CES1: variants seen among roughly 807,000 people sequenced by gnomAD.
CES1 encodes the protein liver carboxylesterase 1.
CES1 carries 50 observed loss-of-function variants against 53.0 expected under a neutral mutation model. The ratio of observed to expected loss-of-function variants is 0.94; its 90% CI spans 0.75 to 1.19. The LOEUF is 1.19. Among genes scored for constraint, CES1 ranks in the 50% most tolerant of loss-of-function variants. CES1 has a pLI of 0.00. For missense variants in CES1, 534 were observed against 538.0 expected (o/e 0.99, Z 0.07); for synonymous variants, 202 against 210.1 (o/e 0.96, Z 0.33).
At chr16:55,812,775 A>G (rs2031756100) in intron 9 of CES1, 128 bp downstream of exon 9, 4 of 1,335,340 alleles carry the variant, frequency 3.0e-6, no homozygotes, top group Admixed American at 3.5e-5. Context: ...GGAAATGTTA[A>G]CTCCTGCTGA....
chr16:55,812,804 A>G, intron 9 of CES1, 99 bp downstream of exon 9: 1 of 1,518,618 alleles, frequency 6.6e-7, no homozygotes, highest in Non-Finnish European at 9.1e-7. Context: ...GCTGCCCAGG[A>G]CTCAGAGTGC....
At chr16:55,815,059 G>A (rs2031879013) in intron 8 of CES1, among the ~76,000 whole-genome samples, 1 of 152,236 alleles carries the variant, frequency 6.6e-6, no homozygotes, top group Admixed American at 6.5e-5. Flanking sequence ...GGTATTGCCA[G>A]GTGAGGAAAG....
rs377047478 is a variant in CES1 at position 55,830,304 on chromosome 16, T to C, written c.53-1330A>G. On this transcript the variant is annotated intron_variant, in intron 1 of 13. Coordinates refer to ENST00000360526, the MANE Select transcript of CES1 (RefSeq NM_001025195.2). The stretch of plus-strand genomic sequence containing the variant: ...TTGCTAATTACAAATAATACTGAGA[T>C]GAACTTCCTTGGAAGCATGTTTATC... Among the ~76,000 whole-genome samples the C allele has an allele frequency of 6.6e-5, 10 of 152,208 alleles. No individual in the cohort carries two copies. The East Asian group carries it at 9.6e-4, about 15-fold the overall frequency.
intron 7 of CES1, 95 bp from the exon 8 acceptor site, chr16:55,817,057 C>T (rs1397603987): frequency 5.3e-6 from 7 of 1,330,760 alleles, no homozygotes; most frequent in Non-Finnish European, 5.4e-6. Flanking sequence ...GTTCTTCCCG[C>T]ATCACTCCGT....
chr16:55,812,802 G>T, intron 9 of CES1, 101 bp downstream of exon 9: 2 of 1,513,390 alleles, frequency 1.3e-6, no homozygotes, highest in Non-Finnish European at 1.8e-6. Flanking sequence ...CAGCTGCCCA[G>T]GACTCAGAGT....
intron 8 of CES1, among the ~76,000 whole-genome samples, chr16:55,814,909 A>G (rs2031869291): frequency 6.6e-6 from 1 of 152,220 alleles, no homozygotes; most frequent in Non-Finnish European, 1.5e-5. Context: ...GTGCAAGTCC[A>G]GCCTCCTTAA....
At chr16:55,826,876 A>T (rs1181841712) in intron 2 of CES1, among the ~76,000 whole-genome samples, 1 of 152,170 alleles carries the variant, frequency 6.6e-6, no homozygotes, top group Non-Finnish European at 1.5e-5. Flanking sequence ...CACTGGTAAT[A>T]GTTATTTAGT....
intron 8 of CES1, among the ~76,000 whole-genome samples, chr16:55,814,118 G>C (rs1166237070): frequency 2.0e-5 from 3 of 152,186 alleles, no homozygotes; most frequent in Non-Finnish European, 4.4e-5. Context: ...ATTGATCCAC[G>C]GGTGGCTTTG....
At chr16:55,811,273 T>C (rs1342408064) in intron 9 of CES1, among the ~76,000 whole-genome samples, 2 of 150,786 alleles carry the variant, frequency 1.3e-5, no homozygotes, top group East Asian at 3.9e-4. Context: ...AGTGTGTGTG[T>C]GTGCGCGCGT....
chr16:55,815,509 A>G (rs1323527983), intron 8 of CES1, among the ~76,000 whole-genome samples: 1 of 152,178 alleles, frequency 6.6e-6, no homozygotes, highest in African/African-American at 2.4e-5. Context: ...ATTGTTCTCC[A>G]CTTAGAGTTT....
intron 8 of CES1, among the ~76,000 whole-genome samples, chr16:55,814,330 G>A (rs1597071445): frequency 6.6e-6 from 1 of 152,238 alleles, no homozygotes; most frequent in Admixed American, 6.5e-5. Context: ...CATCAGGGCA[G>A]CTGGTTCTGG....
chr16:55,826,231 T>C lies in CES1; in HGVS notation c.325A>G (p.Ile109Val), dbSNP rs761009187. 15 of 1,613,840 alleles carry C rather than the reference T, an allele frequency of 9.3e-6. No individual in the cohort carries two copies. The highest frequency in any genetic ancestry group is 8.3e-5 in the Admixed American group (5 of 59,996). Residue 109 changes from isoleucine (I) to valine (V), a missense_variant, in exon 3 of 14, where the codon ATT becomes GTT. By Grantham distance (29) the Ile-to-Val change is conservative. Coordinates refer to ENST00000360526, the MANE Select transcript of CES1 (RefSeq NM_001025195.2). Reference protein sequence around the residue: ...SELFTNRKENIPLKLSEDCLY... With the variant: ...SELFTNRKENVPLKLSEDCLY... ...CAGTCTTCAGAAAGCTTGAGAGGAA[T>C]GTTCTCCTTTCGGTTTGTAAATAGC... is the stretch of plus-strand genomic sequence containing the variant.
At chr16:55,812,235 T>G (rs1157664913) in intron 9 of CES1, 1 of 153,974 alleles carries the variant, frequency 6.5e-6, no homozygotes, top group Non-Finnish European at 1.4e-5. Context: ...TTTTTCCATT[T>G]ATTTGTTTCC....
chr16:55,828,255 C>A, intron 2 of CES1: 1 of 237,778 alleles, frequency 4.2e-6, no homozygotes, highest in Non-Finnish European at 8.4e-6. Flanking sequence ...CAGGAATAGG[C>A]ACACCTGAGA....
intron 1 of CES1, among the ~76,000 whole-genome samples, chr16:55,832,605 C>G (rs2032726432): frequency 6.6e-6 from 1 of 152,226 alleles, no homozygotes. Flanking sequence ...CGAGGAAGCG[C>G]CCAGCGGGGA....
intron 11 of CES1, among the ~76,000 whole-genome samples, chr16:55,810,163 GTA>G (rs2031623629): frequency 6.6e-6 from 1 of 152,168 alleles, no homozygotes; most frequent in African/African-American, 2.4e-5. Context: ...CCTGAGCCCT[GTA>G]TTCTTGGTGT....
At chr16:55,830,773 A>AGAAGGAAGGAAGGAAGGAAGGAAGGAAG (rs1200351837) in intron 1 of CES1, among the ~76,000 whole-genome samples, 24 of 76,976 alleles carry the variant, frequency 3.1e-4, no homozygotes, top group African/African-American at 9.8e-4. Flanking sequence ...AAGGAAGGAA[A>AGAAGGAAGGAAGGAAGGAAGGAAGGAAG]GAAGGAAGGA....
In CES1 at chr16:55,813,057, AGTGCAGCACCT is replaced by A. The variant is rs2031773882; in HGVS notation, c.946-25_946-15del. The A allele has an allele frequency of 6.2e-7, 1 of 1,613,732 alleles. No individual in the cohort carries two copies. The highest frequency in any genetic ancestry group is 8.5e-7 in the Non-Finnish European group (1 of 1,179,880). ...AAGGGGTTGACTCTGGGGAGAGAGC[AGTGCAGCACCT>A]GTGATTCCCTCCCTAGTCACACCCA... On this transcript the variant is annotated splice_polypyrimidine_tract_variant and intron_variant, in intron 8 of 13. Transcript: ENST00000360526.
chr16:55,812,812 T>G (rs1326757121), intron 9 of CES1, 91 bp downstream of exon 9: 1 of 1,550,228 alleles, frequency 6.5e-7, no homozygotes, highest in South Asian at 1.1e-5. Context: ...GGACTCAGAG[T>G]GCAGCTCGGA....
Sources: allele counts gnomAD v4.1 joint callset (sites outside exome capture counted in the v4.1 genomes callset), GRCh38; gene constraint gnomAD v4.1.1; transcripts MANE v1.5; gene names NCBI Gene and HGNC (gene_info 2026-07-23, HGNC 2026-07-21).